The following TTC7A variants were observed in gnomAD, a reference collection of about 807,000 sequenced individuals.
The protein encoded by TTC7A is tetratricopeptide repeat domain 7A, also known as tetratricopeptide repeat protein 7A.
A neutral mutation model predicts 103.7 loss-of-function variants in TTC7A; 110 were observed. That is an observed-to-expected ratio of 1.06 (90% CI 0.91 to 1.24). The LOEUF is 1.24. Among genes scored for constraint, TTC7A ranks in the 50% most tolerant of loss-of-function variants. The pLI is 0.00. For synonymous variants in TTC7A, 521 were observed against 467.9 expected, an observed-to-expected ratio of 1.11 and a Z score of -1.47; for missense variants, 1,340 against 1,116.3, an observed-to-expected ratio of 1.20 and a Z score of -2.86.
intron 19 of TTC7A, among the ~76,000 whole-genome samples, chr2:47,071,523 A>C (rs1684714316): frequency 6.6e-6 from 1 of 152,160 alleles, no homozygotes; most frequent in Admixed American, 6.5e-5. Context: ...CAGAATCCTC[A>C]CAAGAGCCCC....
At chr2:46,916,970 G>C (rs1233299571) in intron 1 of TTC7A, among the ~76,000 whole-genome samples, 2 of 150,518 alleles carry the variant, frequency 1.3e-5, no homozygotes, top group Admixed American at 6.6e-5. Context: ...TCCCATTTCT[G>C]TCCATAAAGG....
At chr2:47,048,472 G>A (rs1682549581) in intron 16 of TTC7A, among the ~76,000 whole-genome samples, 1 of 152,176 alleles carries the variant, frequency 6.6e-6, no homozygotes, top group South Asian at 2.1e-4. Context: ...CTTGTGTGAT[G>A]GACATTCTCA....
chr2:47,057,369 G>A (rs937038814), intron 18 of TTC7A, among the ~76,000 whole-genome samples: 21 of 152,190 alleles, frequency 1.4e-4, no homozygotes, highest in Admixed American at 6.5e-4. Flanking sequence ...TCTTCAGGGC[G>A]TGCTCTCTGG....
At chr2:47,054,075 G>A in intron 18 of TTC7A, 1 of 978,968 alleles carries the variant, frequency 1.0e-6, no homozygotes, top group Non-Finnish European at 1.2e-6. Context: ...TTTCTTCTTT[G>A]GTCATTGTCT....
chr2:46,985,193 T>G (rs575285161), intron 5 of TTC7A, among the ~76,000 whole-genome samples: 31 of 150,992 alleles, frequency 2.1e-4, no homozygotes, highest in Non-Finnish European at 3.4e-4. Context: ...ACCCCCTCCC[T>G]TCCTCTTCTT....
Position 47,051,882 on chromosome 2 carries a change from T to C in TTC7A, c.2152+2T>C, listed in dbSNP as rs763935350. 6.2e-7 allele frequency: 1 copy of C among 1,606,634 alleles called. No homozygotes were observed. Among genetic ancestry groups the C allele is most frequent in the South Asian group, 1.1e-5 (1 of 90,300 alleles). On this transcript the variant is annotated splice_donor_variant, in intron 18 of 19. Coordinates refer to ENST00000319190, the MANE Select transcript of TTC7A (RefSeq NM_020458.4). LOFTEE classifies it high-confidence loss of function. The stretch of plus-strand genomic sequence containing the variant: ...TGGAACAGATCTGGCTGCAGGCTGG[T>C]GAGTGCCCTGGTCCCAGTGACACAC...
intron 19 of TTC7A, among the ~76,000 whole-genome samples, chr2:47,063,184 G>C (rs1013959131): frequency 6.6e-6 from 1 of 152,212 alleles, no homozygotes; most frequent in Non-Finnish European, 1.5e-5. Context: ...TCCACTTGGG[G>C]GACTTAGGAA....
rs1673466447 is a variant in TTC7A at position 46,972,586 on chromosome 2, A to C, written c.518-2387A>C. 2.0e-5 allele frequency among the ~76,000 whole-genome samples: 3 copies of C among 152,208 alleles called. No homozygotes were observed. The South Asian group carries it at 6.2e-4, about 31-fold the overall frequency. ...TTGGCCCAGATTAGGCCATGTGCCCACACTTAGCTGATTGCCATGGCTGTC... is the reference window on the plus strand; with the variant it reads ...TTGGCCCAGATTAGGCCATGTGCCCCCACTTAGCTGATTGCCATGGCTGTC... On this transcript the variant is annotated intron_variant, in intron 3 of 19. Coordinates refer to ENST00000319190, the MANE Select transcript of TTC7A (RefSeq NM_020458.4).
intron 15 of TTC7A, among the ~76,000 whole-genome samples, chr2:47,032,428 C>T (rs981121492): frequency 3.9e-5 from 6 of 152,116 alleles, no homozygotes; most frequent in African/African-American, 9.7e-5. Flanking sequence ...GAACCTCTGC[C>T]GTGGGAACAA....
Position 46,941,258 on chromosome 2 carries a change from C to CGCCAGG in TTC7A, c.-283_-278dup, listed in dbSNP as rs1490666772. The CGCCAGG allele has an allele frequency of 6.4e-6, 1 of 156,248 alleles. No individual in the cohort carries two copies. Among genetic ancestry groups the CGCCAGG allele is most frequent in the Non-Finnish European group, 1.4e-5 (1 of 71,704 alleles). The allele number at this position is 156,248 out of a possible 1,614,324, so 9.7% of individuals were successfully genotyped here. A position where few individuals can be genotyped will look rare whatever the true frequency, so the allele number is the denominator to read the frequency against. ...GCTGCAGCGGCGGCGGCGGCGGCAG[C>CGCCAGG]GCCAGGAGCTGCTACAGCAGAGGCG... is the stretch of plus-strand genomic sequence containing the variant. On this transcript the variant is annotated 5_prime_UTR_variant, in exon 1 of 20. Coordinates refer to ENST00000319190, the MANE Select transcript of TTC7A (RefSeq NM_020458.4). This position sits in a 1 kb window ranked among gnomAD's most constrained non-coding sequence, Gnocchi z 4.2.
At position 46,975,209 on chromosome 2, in the gene TTC7A, A is replaced by C. The variant is rs1002997937; in HGVS notation, c.648+106A>C. ...ACCTGTGTGCTAATTAGAAGAAGTC[A>C]CCTTCTCTGTCCCCCAAAGACACTC... On this transcript the variant is annotated intron_variant, in intron 4 of 19. Coordinates refer to ENST00000319190, the MANE Select transcript of TTC7A (RefSeq NM_020458.4). The C allele has an allele frequency of 3.5e-6, 5 of 1,441,872 alleles. No individual in the cohort carries two copies. The African/African-American group carries it at 5.6e-5, about 16-fold the overall frequency. The allele number at this position is 1,441,872 out of a possible 1,614,324, so 89.3% of individuals were successfully genotyped here.
chr2:47,018,933 CT>C (rs1295897730), intron 11 of TTC7A, among the ~76,000 whole-genome samples: 1 of 152,166 alleles, frequency 6.6e-6, no homozygotes, highest in Non-Finnish European at 1.5e-5. Flanking sequence ...GTGTTCTTAG[CT>C]GCTAGACTGC....
At chr2:47,006,965 G>A (rs549122008) in intron 10 of TTC7A, among the ~76,000 whole-genome samples, 36 of 152,304 alleles carry the variant, frequency 2.4e-4, no homozygotes, top group African/African-American at 8.2e-4. Flanking sequence ...TTCTCTGAGC[G>A]TGCGTACATG....
At chr2:46,927,388 G>A (rs947837128) in intron 2 of TTC7A, among the ~76,000 whole-genome samples, 17 of 141,756 alleles carry the variant, frequency 1.2e-4, no homozygotes, top group Non-Finnish European at 2.4e-4. Context: ...ATGGAGTCTC[G>A]TTCTGTTGCC....
Position 46,941,870 on chromosome 2 carries a change from G to A in TTC7A, c.184+145G>A, listed in dbSNP as rs184509123. The A allele has an allele frequency of 1.2e-4, 120 of 1,029,384 alleles. No individual in the cohort carries two copies. The African/African-American group carries it at 1.4e-3, about 12-fold the overall frequency. 63.8% of individuals were successfully genotyped at this position (1,029,384 alleles called of 1,614,324 possible). A position where few individuals can be genotyped will look rare whatever the true frequency, so the allele number is the denominator to read the frequency against. ...GTCTTAAGAGCAGCCAGGGCAGTTA[G>A]GAAGGTCCTTCTGCCGCGAGAGAAA... is the stretch of plus-strand genomic sequence containing the variant. On this transcript the variant is annotated intron_variant, in intron 1 of 19. Coordinates refer to ENST00000319190, the MANE Select transcript of TTC7A (RefSeq NM_020458.4). This position sits in a 1 kb window ranked among gnomAD's most constrained non-coding sequence, Gnocchi z 4.2.
At chr2:47,053,191 C>T (rs1683015566) in intron 18 of TTC7A, among the ~76,000 whole-genome samples, 1 of 151,960 alleles carries the variant, frequency 6.6e-6, no homozygotes, top group Non-Finnish European at 1.5e-5. Flanking sequence ...GGAGGCTGCA[C>T]TTGCTCCACA....
At chr2:47,060,576 C>G (rs886129301) in intron 18 of TTC7A, among the ~76,000 whole-genome samples, 193 bp from the exon 19 acceptor site, 1 of 152,184 alleles carries the variant, frequency 6.6e-6, no homozygotes, top group African/African-American at 2.4e-5. Context: ...GTGCCTGACA[C>G]AGAGGAAGCA....
intron 3 of TTC7A, among the ~76,000 whole-genome samples, chr2:46,960,011 T>G (rs1193030799): frequency 2.0e-5 from 3 of 152,202 alleles, no homozygotes; most frequent in Non-Finnish European, 4.4e-5. Flanking sequence ...TGGAAAGACC[T>G]ATTGTTTCCA....
chr2:46,946,828 G>A (rs981699465), intron 1 of TTC7A, among the ~76,000 whole-genome samples: 1 of 152,218 alleles, frequency 6.6e-6, no homozygotes, highest in African/African-American at 2.4e-5. Context: ...AAAAGAGGAA[G>A]GCAAGAGAGA....
Sources: gnomAD v4.1 joint callset for allele counts (sites outside exome capture counted in the v4.1 genomes callset) on GRCh38, gnomAD v4.1.1 for gene constraint, Gnocchi (gnomAD v3.1) non-coding constraint, MANE v1.5 for transcripts, NCBI Gene and HGNC (gene_info 2026-07-23, HGNC 2026-07-21) for gene names.